The following FGF14 variants were observed in gnomAD, a reference collection of about 807,000 sequenced individuals.
FGF14 encodes fibroblast growth factor 14.
Under a neutral mutation model 25.5 loss-of-function variants are expected in FGF14, and 5 were observed. The ratio of observed to expected loss-of-function variants is 0.20; its 90% CI spans 0.10 to 0.41. FGF14 has a LOEUF of 0.41. Among genes scored for constraint, FGF14 ranks in the 10% least tolerant of loss-of-function variants. The pLI is 1.00. For synonymous variants in FGF14, 138 were observed against 118.3 expected (o/e 1.17, Z -1.08); for missense variants, 222 against 320.1 (o/e 0.69, Z 2.34).
At chr13:102,064,824 T>C (rs1374844006) in intron 1 of FGF14, among the ~76,000 whole-genome samples, 1 of 151,992 alleles carries the variant, frequency 6.6e-6, no homozygotes, top group East Asian at 1.9e-4. Context: ...TAAAGTATAT[T>C]GAAGAATATG....
intron 1 of FGF14, among the ~76,000 whole-genome samples, chr13:101,963,349 C>G (rs1484160016): frequency 6.6e-6 from 1 of 152,172 alleles, no homozygotes; most frequent in East Asian, 1.9e-4. Context: ...GCTGTATTCT[C>G]TGACTCTACT....
chr13:102,148,798 T>C (rs1258932163), intron 1 of FGF14, among the ~76,000 whole-genome samples: 2 of 152,026 alleles, frequency 1.3e-5, no homozygotes, highest in African/African-American at 4.8e-5. Context: ...CTCAAAAAAA[T>C]AATTAATTAA....
chr13:102,236,668 G>A (rs2141012377), intron 1 of FGF14, among the ~76,000 whole-genome samples: 1 of 152,250 alleles, frequency 6.6e-6, no homozygotes. Context: ...AAGGACCTCT[G>A]GAATAGGAGT....
intron 1 of FGF14, among the ~76,000 whole-genome samples, chr13:102,291,719 G>GA (rs973825957): frequency 6.6e-6 from 1 of 151,930 alleles, no homozygotes; most frequent in Non-Finnish European, 1.5e-5. Flanking sequence ...ATAAGGCTGG[G>GA]AAAAAAATAC....
chr13:102,266,324 G>A (rs1197284166), intron 1 of FGF14, among the ~76,000 whole-genome samples: 1 of 152,124 alleles, frequency 6.6e-6, no homozygotes, highest in Non-Finnish European at 1.5e-5. Flanking sequence ...GGAGTTAGAA[G>A]AGCTGAAGAG....
chr13:102,208,543 C>CTTTTTCCCT (rs2050034171), intron 1 of FGF14, among the ~76,000 whole-genome samples: 1 of 152,184 alleles, frequency 6.6e-6, no homozygotes, highest in Non-Finnish European at 1.5e-5. Context: ...TATTCATGAA[C>CTTTTTCCCT]TGTAGTTTGC....
chr13:101,740,912 A>C lies in FGF14; in HGVS notation c.409-14102T>G, dbSNP rs549007421. Among the ~76,000 whole-genome samples, 15 of 152,336 alleles carry C rather than the reference A, an allele frequency of 9.8e-5. No individual in the cohort carries two copies. In the South Asian group the frequency reaches 2.3e-3, roughly 23 times the overall value. ...CATATTGTTAGTTGCAGAGCAAATA[A>C]GTTGAAAGATAAAGAACTGGAATTT... On this transcript the variant is annotated intron_variant, in intron 3 of 4. Transcript: ENST00000376143.
At chr13:101,937,618 AG>A (rs1165659532) in intron 1 of FGF14, among the ~76,000 whole-genome samples, 1 of 151,504 alleles carries the variant, frequency 6.6e-6, no homozygotes, top group Admixed American at 6.6e-5. Context: ...GTTTTTGAGA[AG>A]GAGTCTTGCT....
intron 1 of FGF14, among the ~76,000 whole-genome samples, chr13:102,260,078 A>C (rs1391608177): frequency 2.0e-5 from 3 of 151,634 alleles, no homozygotes; most frequent in Non-Finnish European, 4.4e-5. Context: ...AGCGGGGAGG[A>C]GGAGGAGTCA....
intron 1 of FGF14, among the ~76,000 whole-genome samples, chr13:102,032,881 T>C (rs1168445426): frequency 6.6e-6 from 1 of 152,088 alleles, no homozygotes; most frequent in Non-Finnish European, 1.5e-5. Flanking sequence ...GCAACCAAGA[T>C]TTTATTCCCA....
chr13:101,733,635 C>T (rs1324161798), intron 3 of FGF14, among the ~76,000 whole-genome samples: 1 of 146,514 alleles, frequency 6.8e-6, no homozygotes, highest in Non-Finnish European at 1.5e-5. Context: ...AGAGAGACAA[C>T]TTTTATCCTG....
At chr13:101,982,795 T>C (rs910666128) in intron 1 of FGF14, among the ~76,000 whole-genome samples, 1 of 152,188 alleles carries the variant, frequency 6.6e-6, no homozygotes, top group Non-Finnish European at 1.5e-5. Flanking sequence ...GACTTAAATA[T>C]TTTATCTTGC....
chr13:102,183,929 G>A (rs1316054606), intron 1 of FGF14, among the ~76,000 whole-genome samples: 2 of 152,170 alleles, frequency 1.3e-5, no homozygotes, highest in South Asian at 2.1e-4. Context: ...CCACACAGAT[G>A]CTCACCCAGT....
intron 1 of FGF14, among the ~76,000 whole-genome samples, chr13:102,124,472 A>T (rs1389533906): frequency 6.6e-6 from 1 of 152,174 alleles, no homozygotes; most frequent in Non-Finnish European, 1.5e-5. Flanking sequence ...ATTAAAAATT[A>T]GAAGAGACAA....
intron 3 of FGF14, among the ~76,000 whole-genome samples, chr13:101,749,392 G>A (rs1173299244): frequency 2.0e-5 from 3 of 151,860 alleles, no homozygotes; most frequent in African/African-American, 4.8e-5. Context: ...ATTATACAGA[G>A]CAAAACAACA....
chr13:102,208,794 G>T (rs530320901), intron 1 of FGF14, among the ~76,000 whole-genome samples: 4 of 152,132 alleles, frequency 2.6e-5, no homozygotes, highest in African/African-American at 9.7e-5. Context: ...TCCAAAGAGA[G>T]TATTTATCAA....
intron 1 of FGF14, among the ~76,000 whole-genome samples, chr13:102,047,391 A>G (rs188811992): frequency 9.2e-5 from 14 of 152,266 alleles, no homozygotes; most frequent in Admixed American, 7.2e-4. Context: ...AGATTTAGCT[A>G]TACCTTTAAA....
At chr13:101,989,776 G>C (rs1011411488) in intron 1 of FGF14, among the ~76,000 whole-genome samples, 5 of 152,012 alleles carry the variant, frequency 3.3e-5, no homozygotes, top group Admixed American at 2.6e-4. Flanking sequence ...AACATTTATG[G>C]GGCTTTAACT....
At chr13:101,986,757 C>G (rs1478457586) in intron 1 of FGF14, among the ~76,000 whole-genome samples, 1 of 152,018 alleles carries the variant, frequency 6.6e-6, no homozygotes, top group African/African-American at 2.4e-5. Context: ...CGTGTCAAAC[C>G]CTTGTCTAAA....
Sources: gnomAD v4.1 joint callset for allele counts (sites outside exome capture counted in the v4.1 genomes callset) on GRCh38, gnomAD v4.1.1 for gene constraint, MANE v1.5 for transcripts, NCBI Gene and HGNC (gene_info 2026-07-23, HGNC 2026-07-21) for gene names.